TMEM67: variants seen among roughly 807,000 people sequenced by gnomAD.
TMEM67 encodes transmembrane protein 67, also known as meckelin.
TMEM67 carries 124 observed loss-of-function variants against 136.6 expected under a neutral mutation model. That is an observed-to-expected ratio of 0.91 (90% confidence interval 0.78 to 1.05). The LOEUF (loss-of-function observed/expected upper bound fraction) is 1.05. Among genes scored for constraint, TMEM67 ranks in the 50% least tolerant of loss-of-function variants. The pLI, the probability that TMEM67 is intolerant of heterozygous loss-of-function variation, is 0.00. For synonymous variants in TMEM67, 364 were observed against 390.5 expected (o/e 0.93, Z 0.80); for missense variants, 1,107 against 1,178.4 (o/e 0.94, Z 0.89).
At chr8:93,766,953 A>G (rs1813106911) in intron 6 of TMEM67, among the ~76,000 whole-genome samples, 1 of 152,216 alleles carries the variant, frequency 6.6e-6, no homozygotes, top group South Asian at 2.1e-4. Context: ...GTATATGATT[A>G]TTAAATTTGC....
downstream of TMEM67, among the ~76,000 whole-genome samples, chr8:93,823,161 T>C (rs73694991): frequency 0.018 from 2,785 of 152,310 alleles, 86 homozygotes; most frequent in African/African-American, 0.061. Context: ...CAATTCTGGG[T>C]GGCAGAAGTC....
At chr8:93,765,017 G>T (rs1813020684) in intron 4 of TMEM67, among the ~76,000 whole-genome samples, 1 of 152,166 alleles carries the variant, frequency 6.6e-6, no homozygotes, top group African/African-American at 2.4e-5. Context: ...TTCGGGTTAT[G>T]CTACCTTTTT....
In TMEM67 at chr8:93,775,834, A is replaced by G. The variant is rs144895447; in HGVS notation, c.714+3183A>G. On this transcript the variant is annotated intron_variant, in intron 7 of 27. Coordinates refer to ENST00000453321, the MANE Select transcript of TMEM67 (RefSeq NM_153704.6). ...TTGTGTAGGATTGTCTTGGCAATGC[A>G]GGCTCTTTTTTGGTTCCACAGGAAC... Among the ~76,000 whole-genome samples, 581 of 152,252 alleles carry G rather than the reference A, an allele frequency of 3.8e-3. 6 individuals are homozygous for G. The highest frequency in any genetic ancestry group is 0.014 in the African/African-American group (566 of 41,544).
intron 26 of TMEM67, among the ~76,000 whole-genome samples, chr8:93,812,739 T>C (rs1323474347): frequency 6.6e-6 from 1 of 152,248 alleles, no homozygotes; most frequent in Non-Finnish European, 1.5e-5. Flanking sequence ...ATTATTGTTA[T>C]TATTTTTTTT....
At chr8:93,815,283 A>AT (rs1211957150) in intron 26 of TMEM67, 22 bp from the exon 27 acceptor site, 1 of 1,464,470 alleles carries the variant, frequency 6.8e-7, no homozygotes. Flanking sequence ...TCTAATTTAT[A>AT]TTTTCTAAAT....
chr8:93,786,893 A>G (rs1814136261), intron 13 of TMEM67, among the ~76,000 whole-genome samples: 1 of 152,188 alleles, frequency 6.6e-6, no homozygotes, highest in Admixed American at 6.5e-5. Flanking sequence ...GAATACACTG[A>G]TGAAAATCAA....
intron 16 of TMEM67, 112 bp downstream of exon 16, chr8:93,793,408 A>G (rs1814473339): frequency 5.7e-6 from 5 of 884,722 alleles, no homozygotes; most frequent in African/African-American, 1.7e-5. Context: ...TTTTTCTGGG[A>G]TATGTAATTA....
chr8:93,756,695 A>G (rs75623069), intron 2 of TMEM67: 1 of 152,198 alleles, frequency 6.6e-6, no homozygotes, highest in Non-Finnish European at 1.5e-5. Flanking sequence ...TAGCTGAATT[A>G]CCCATGATAA....
chr8:93,805,420 A>G (rs995175389), intron 23 of TMEM67, among the ~76,000 whole-genome samples: 4 of 152,024 alleles, frequency 2.6e-5, no homozygotes, highest in Non-Finnish European at 4.4e-5. Flanking sequence ...TGTCTCTACT[A>G]AAAATACAAA....
chr8:93,812,437 A>T (rs1357758946), intron 26 of TMEM67, among the ~76,000 whole-genome samples: 1 of 152,206 alleles, frequency 6.6e-6, no homozygotes, highest in Non-Finnish European at 1.5e-5. Flanking sequence ...AGTTATGATC[A>T]TGCCATAGCA....
chr8:93,815,512 T>C, intron 27 of TMEM67, 65 bp downstream of exon 27: 2 of 1,431,882 alleles, frequency 1.4e-6, no homozygotes, highest in Non-Finnish European at 1.9e-6. Flanking sequence ...TAGAAGTAGA[T>C]ATTTTCATAG....
At position 93,815,381 on chromosome 8, in the gene TMEM67, C is replaced by T; in HGVS notation, c.2841C>T (p.Phe947=). 1 of 1,612,816 alleles carries T rather than the reference C, an allele frequency of 6.2e-7. No individual in the cohort carries two copies. Among genetic ancestry groups the T allele is most frequent in the South Asian group, 1.1e-5 (1 of 91,006 alleles). ...ATLLIFDLLF[F]CVVDLACQNF... ...TTCTTATTTTTGATCTGCTGTTCTT[C>T]TGTGTTGTGGATTTGGCTTGCCAAA... is the stretch of plus-strand genomic sequence containing the variant. Residue 947 remains phenylalanine (F), a synonymous_variant, in exon 27 of 28, where the codon TTC becomes TTT. Coordinates refer to ENST00000453321, the MANE Select transcript of TMEM67 (RefSeq NM_153704.6).
At chr8:93,780,490 C>G (rs1037927843) in intron 7 of TMEM67, 103 bp from the exon 8 acceptor site, 60 of 1,281,986 alleles carry the variant, frequency 4.7e-5, no homozygotes, top group Non-Finnish European at 6.4e-5. Flanking sequence ...TGTTCCTACT[C>G]GGCCATCTTG....
intron 20 of TMEM67, 97 bp downstream of exon 20, chr8:93,797,567 T>G: frequency 1.7e-6 from 2 of 1,188,028 alleles, no homozygotes; most frequent in Admixed American, 3.9e-5. Context: ...AGTGGAAGAT[T>G]TCTCTAAAGG....
At position 93,781,856 on chromosome 8, in the gene TMEM67, AT is replaced by A. The variant is rs891485043; in HGVS notation, c.1065+120del. ...AAGCATCAGTTACATACTACAGTTGATTTTTTTTCTGATGCTTTAAATTAGA... is the reference window on the plus strand; with the variant it reads ...AAGCATCAGTTACATACTACAGTTGATTTTTTTCTGATGCTTTAAATTAGA... On this transcript the variant is annotated intron_variant, in intron 10 of 27. Transcript: ENST00000453321. 1.0e-4 allele frequency: 55 copies of A among 536,848 alleles called. 1 individual carries two copies. In the Middle Eastern group the frequency reaches 1.2e-3, roughly 12 times the overall value. 33.3% of individuals were successfully genotyped at this position (536,848 alleles called of 1,614,324 possible).
At chr8:93,800,102 G>A (rs1814804225) in intron 21 of TMEM67, among the ~76,000 whole-genome samples, 1 of 151,878 alleles carries the variant, frequency 6.6e-6, no homozygotes, top group Non-Finnish European at 1.5e-5. Flanking sequence ...GTAGAGATGG[G>A]TTTTTACCAT....
intron 6 of TMEM67, among the ~76,000 whole-genome samples, chr8:93,771,387 T>A (rs975028325): frequency 2.0e-5 from 3 of 152,156 alleles, no homozygotes; most frequent in African/African-American, 7.2e-5. Context: ...TCAGCATAGC[T>A]CCTGTGTTGT....
chr8:93,763,816 CTTTAT>C (rs758371642), intron 3 of TMEM67, 21 bp from the exon 4 acceptor site: 2 of 1,502,972 alleles, frequency 1.3e-6, no homozygotes, highest in South Asian at 2.3e-5. Flanking sequence ...TGAGTTACAT[CTTTAT>C]TTTGTTTCTA....
chr8:93,825,256 G>A, the TMEM67 span, among the ~76,000 whole-genome samples: 25 of 152,182 alleles, frequency 1.6e-4, no homozygotes, highest in African/African-American at 5.6e-4. Context: ...GTATAGGTGC[G>A]ACATTCCAGA....
Sources: gnomAD v4.1 joint callset for allele counts (sites outside exome capture counted in the v4.1 genomes callset) on GRCh38, gnomAD v4.1.1 for gene constraint, MANE v1.5 for transcripts, NCBI Gene and HGNC (gene_info 2026-07-23, HGNC 2026-07-21) for gene names.